The following PALLD variants were observed in gnomAD, a reference collection of about 807,000 sequenced individuals.
PALLD encodes the protein palladin, cytoskeletal associated protein.
PALLD carries 61 observed loss-of-function variants against 123.5 expected under a neutral mutation model. The observed-to-expected ratio is 0.49, with a 90% confidence interval of 0.40 to 0.61. PALLD has a LOEUF of 0.61. Ranked by LOEUF, PALLD falls within the 20% of genes least tolerant of loss-of-function variation. The pLI is 0.00. For synonymous variants in PALLD, 465 were observed against 496.4 expected (o/e 0.94, Z 0.84); for missense variants, 1,273 against 1,377.0 (o/e 0.92, Z 1.20).
At chr4:168,815,945 A>G (rs1741848697) in intron 10 of PALLD, among the ~76,000 whole-genome samples, 2 of 152,212 alleles carry the variant, frequency 1.3e-5, no homozygotes, top group South Asian at 2.1e-4. Context: ...GTTGAGTTAG[A>G]CAAGGGCTAA....
At position 168,641,074 on chromosome 4, in the gene PALLD, G is replaced by A. The variant is rs560649754; in HGVS notation, c.909-27116G>A. Among the ~76,000 whole-genome samples, 13 of 152,152 alleles carry A rather than the reference G, an allele frequency of 8.5e-5. No homozygotes were observed. The East Asian group carries it at 1.7e-3, about 20-fold the overall frequency. On this transcript the variant is annotated intron_variant, in intron 2 of 21. Transcript: ENST00000505667. ...ATACAAAAAATTAGCCAGGCGTGGCGGCATGTGCCTGTAGTCCCAGCTACT... is the reference window on the plus strand; with the variant it reads ...ATACAAAAAATTAGCCAGGCGTGGCAGCATGTGCCTGTAGTCCCAGCTACT...
At chr4:168,657,654 G>A (rs992097230) in intron 2 of PALLD, among the ~76,000 whole-genome samples, 4 of 152,178 alleles carry the variant, frequency 2.6e-5, no homozygotes, top group Admixed American at 1.3e-4. Context: ...ACAAGCAAGC[G>A]GGAAGCTTGC....
intron 8 of PALLD, among the ~76,000 whole-genome samples, chr4:168,696,072 T>G (rs1783103497): frequency 6.6e-6 from 1 of 152,158 alleles, no homozygotes; most frequent in African/African-American, 2.4e-5. Context: ...TTAGGAAAGT[T>G]TATGAATTTA....
intron 10 of PALLD, among the ~76,000 whole-genome samples, chr4:168,837,844 C>A (rs147318705): frequency 6.6e-6 from 1 of 152,228 alleles, no homozygotes; most frequent in East Asian, 1.9e-4. Flanking sequence ...ACAAATATGC[C>A]GAAATCCTTG....
intron 3 of PALLD, among the ~76,000 whole-genome samples, chr4:168,678,676 A>G (rs749853506): frequency 3.3e-5 from 5 of 152,034 alleles, no homozygotes; most frequent in Admixed American, 1.3e-4. Flanking sequence ...GTCCCATCAC[A>G]GCCCGTGCCC....
intron 15 of PALLD, among the ~76,000 whole-genome samples, chr4:168,909,134 G>A (rs138861810): frequency 7.2e-4 from 109 of 152,284 alleles, no homozygotes; most frequent in African/African-American, 2.4e-3. Flanking sequence ...CACAAATACA[G>A]TTTATTTTAG....
At chr4:168,776,847 T>C (rs370996519) in intron 10 of PALLD, among the ~76,000 whole-genome samples, 19 of 152,156 alleles carry the variant, frequency 1.2e-4, no homozygotes, top group South Asian at 4.1e-4. Flanking sequence ...TGTAATTACC[T>C]TTATTGTTGT....
At chr4:168,709,005 G>T in intron 8 of PALLD, 23 bp from the exon 9 acceptor site, 1 of 1,612,048 alleles carries the variant, frequency 6.2e-7, no homozygotes, top group South Asian at 1.1e-5. Flanking sequence ...TCTGATGAAT[G>T]ATTCTGTTCT....
chr4:168,589,084 TG>T (rs1422455715), intron 2 of PALLD, among the ~76,000 whole-genome samples: 1 of 152,232 alleles, frequency 6.6e-6, no homozygotes, highest in African/African-American at 2.4e-5. Flanking sequence ...CAAGCACAAC[TG>T]TACTGGTTCG....
chr4:168,618,310 T>G (rs972457829), intron 2 of PALLD, among the ~76,000 whole-genome samples: 1 of 152,220 alleles, frequency 6.6e-6, no homozygotes, highest in African/African-American at 2.4e-5. Flanking sequence ...ACTATAACTT[T>G]CTATGGTTTT....
At chr4:168,891,758 G>T (rs996267316) in intron 11 of PALLD, among the ~76,000 whole-genome samples, 4 of 151,806 alleles carry the variant, frequency 2.6e-5, no homozygotes, top group South Asian at 2.1e-4. Flanking sequence ...GGTGCGCTTT[G>T]GAATGGTTTG....
intron 2 of PALLD, among the ~76,000 whole-genome samples, chr4:168,578,225 G>A (rs1047526449): frequency 1.3e-5 from 2 of 150,690 alleles, no homozygotes; most frequent in African/African-American, 2.5e-5. Context: ...GAATCAAATA[G>A]CCCTTACAAA....
chr4:168,570,229 G>A (rs1485037999), intron 2 of PALLD, among the ~76,000 whole-genome samples: 1 of 152,090 alleles, frequency 6.6e-6, no homozygotes, highest in Non-Finnish European at 1.5e-5. Context: ...TTTAACGGGC[G>A]GATTTTATTT....
intron 10 of PALLD, among the ~76,000 whole-genome samples, chr4:168,714,651 T>G (rs1219170232): frequency 6.6e-6 from 1 of 152,224 alleles, no homozygotes; most frequent in Non-Finnish European, 1.5e-5. Flanking sequence ...CATCGGTTTA[T>G]GATTTGATTT....
intron 2 of PALLD, among the ~76,000 whole-genome samples, chr4:168,644,003 A>C (rs928547154): frequency 1.3e-5 from 2 of 151,604 alleles, no homozygotes; most frequent in African/African-American, 4.9e-5. Flanking sequence ...TTCTTTCAAA[A>C]CCGCTTGGTG....
At chr4:168,734,430 T>C (rs1431598735) in intron 10 of PALLD, among the ~76,000 whole-genome samples, 2 of 152,204 alleles carry the variant, frequency 1.3e-5, no homozygotes, top group Non-Finnish European at 2.9e-5. Flanking sequence ...CTGTATTGTT[T>C]TTGTTTTAAA....
Position 168,530,319 on chromosome 4 carries a change from A to G in PALLD, c.908+17907A>G, listed in dbSNP as rs1345639735. Among the ~76,000 whole-genome samples, 3 of 152,176 alleles carry G rather than the reference A, an allele frequency of 2.0e-5. No homozygotes were observed. The East Asian group carries it at 5.8e-4, about 29-fold the overall frequency. On this transcript the variant is annotated intron_variant, in intron 2 of 21. Coordinates refer to ENST00000505667, the MANE Select transcript of PALLD (RefSeq NM_001166108.2). ...CTTGCTATTGATGTCCATTACGTGC[A>G]TTTGGACTATGTTATGCATGTGTTG...
chr4:168,759,027 A>C (rs1281938482), intron 10 of PALLD, among the ~76,000 whole-genome samples: 2 of 150,878 alleles, frequency 1.3e-5, no homozygotes, highest in African/African-American at 4.9e-5. Flanking sequence ...ATACAAAAAA[A>C]AATTAGCCAG....
In PALLD at chr4:168,869,202, A is replaced by G. The variant is rs1183508965; in HGVS notation, c.1965-21720A>G. On this transcript the variant is annotated intron_variant, in intron 10 of 21. Coordinates refer to ENST00000505667, the MANE Select transcript of PALLD (RefSeq NM_001166108.2). The surrounding 1 kb of genome is among the most constrained non-coding windows in gnomAD (Gnocchi z 4.5). ...TAGAAGATGCGTTTCCCTTTCCTGT[A>G]TTCCACACAAAAGGATGCCTGGCAA... Among the ~76,000 whole-genome samples, 1 of 152,170 alleles carries G rather than the reference A, an allele frequency of 6.6e-6. No individual in the cohort carries two copies. Among genetic ancestry groups the G allele is most frequent in the Non-Finnish European group, 1.5e-5 (1 of 68,032 alleles).
Sources: gnomAD v4.1 joint callset for allele counts (sites outside exome capture counted in the v4.1 genomes callset) on GRCh38, gnomAD v4.1.1 for gene constraint, Gnocchi (gnomAD v3.1) non-coding constraint, MANE v1.5 for transcripts, NCBI Gene and HGNC (gene_info 2026-07-23, HGNC 2026-07-21) for gene names.